Variants in SNX8 observed in about 807,000 individuals in gnomAD.
SNX8 encodes the protein sorting nexin-8.
A neutral mutation model predicts 51.6 loss-of-function variants in SNX8; 25 were observed. The ratio of observed to expected loss-of-function variants is 0.48; its 90% CI spans 0.35 to 0.68. The LOEUF is 0.68. Ranked by LOEUF, SNX8 falls within the 30% of genes least tolerant of loss-of-function variation. SNX8 has a pLI of 0.00. For missense variants in SNX8, 695 were observed against 624.0 expected (o/e 1.11, Z -1.21); for synonymous variants, 324 against 277.0 (o/e 1.17, Z -1.68).
intron 1 of SNX8, among the ~76,000 whole-genome samples, chr7:2,292,714 G>A (rs1394450088): frequency 7.2e-5 from 11 of 151,974 alleles, no homozygotes; most frequent in Admixed American, 7.2e-4. Context: ...CCCGGCCCAG[G>A]CAAAGACTTC....
At chr7:2,264,201 G>C in intron 6 of SNX8, 97 bp downstream of exon 6, 1 of 1,225,222 alleles carries the variant, frequency 8.2e-7, no homozygotes, top group African/African-American at 1.5e-5. Context: ...TCAGGATGCT[G>C]GTTATTACGG....
At chr7:2,291,745 C>T (rs1413234455) in intron 1 of SNX8, among the ~76,000 whole-genome samples, 2 of 152,226 alleles carry the variant, frequency 1.3e-5, no homozygotes, top group Non-Finnish European at 2.9e-5. Flanking sequence ...CTTCCCACCC[C>T]GGTTAAGGGT....
chr7:2,332,803 G>C (rs553115597), intron 1 of SNX8, among the ~76,000 whole-genome samples: 3 of 145,128 alleles, frequency 2.1e-5, no homozygotes, highest in Non-Finnish European at 4.5e-5. Flanking sequence ...AGGGAAGGAA[G>C]AAAAGAAAGA....
chr7:2,292,123 C>T (rs753317649), intron 1 of SNX8, among the ~76,000 whole-genome samples: 7 of 151,904 alleles, frequency 4.6e-5, no homozygotes, highest in Middle Eastern at 3.2e-3. Flanking sequence ...ATTAGCCAGG[C>T]GTGGTGGTGC....
chr7:2,332,460 C>A (rs1182941603), intron 1 of SNX8, among the ~76,000 whole-genome samples: 1 of 151,970 alleles, frequency 6.6e-6, no homozygotes, highest in Non-Finnish European at 1.5e-5. Context: ...ATAACCAACA[C>A]AATCTTAGAG....
At chr7:2,323,311 CAG>C (rs1005381909) in intron 1 of SNX8, among the ~76,000 whole-genome samples, 3 of 115,338 alleles carry the variant, frequency 2.6e-5, no homozygotes, top group Non-Finnish European at 4.9e-5. Flanking sequence ...GCCAGGGCGA[CAG>C]AGTGAGAGTC....
chr7:2,321,203 T>G (rs1275181223), intron 1 of SNX8, among the ~76,000 whole-genome samples: 1 of 151,928 alleles, frequency 6.6e-6, no homozygotes, highest in East Asian at 1.9e-4. Flanking sequence ...GGTGGGAACG[T>G]GAGGGCTGTG....
chr7:2,308,665 C>CAAAAAA (rs756364188), intron 1 of SNX8, among the ~76,000 whole-genome samples: 3 of 63,110 alleles, frequency 4.8e-5, no homozygotes, highest in African/African-American at 1.3e-4. Context: ...GACTCTGTCT[C>CAAAAAA]AAAAAAAAAA....
At chr7:2,338,930 G>A (rs996394218) in intron 1 of SNX8, among the ~76,000 whole-genome samples, 5 of 151,962 alleles carry the variant, frequency 3.3e-5, no homozygotes, top group African/African-American at 9.7e-5. Context: ...TTATTTTTCC[G>A]AGACAAGATC....
intron 1 of SNX8, among the ~76,000 whole-genome samples, chr7:2,282,000 G>A (rs904761407): frequency 5.3e-5 from 8 of 152,154 alleles, no homozygotes; most frequent in African/African-American, 1.4e-4. Flanking sequence ...ACCTGGACTT[G>A]GAAGTGTCTT....
intron 5 of SNX8, among the ~76,000 whole-genome samples, chr7:2,264,972 T>C (rs554321747): frequency 4.6e-4 from 70 of 152,006 alleles, no homozygotes; most frequent in Non-Finnish European, 8.4e-4. Context: ...GAGGCAGAGG[T>C]TGCAGTGAGC....
chr7:2,254,827 CCT>C lies in SNX8; in HGVS notation c.*227_*228del. ...GAAACCATTCCAGAGAACCCCACCA[CCT>C]CTCTCGACCAGGCTAGCAGGCCACA... On this transcript the variant is annotated 3_prime_UTR_variant, in exon 11 of 11. Coordinates refer to ENST00000222990, the MANE Select transcript of SNX8 (RefSeq NM_013321.4). 1.7e-6 allele frequency: 1 copy of C among 578,086 alleles called. No individual in the cohort carries two copies. Among genetic ancestry groups the C allele is most frequent in the South Asian group, 2.0e-5 (1 of 49,494 alleles). 35.8% of individuals were successfully genotyped at this position (578,086 alleles called of 1,614,324 possible).
rs144684578 is a variant in SNX8, at chr7:2,306,300, G to C, written c.94+8028C>G. Among the ~76,000 whole-genome samples the C allele has an allele frequency of 9.1e-3, 1,379 of 151,778 alleles. 12 individuals are homozygous for C. The highest frequency in any genetic ancestry group is 0.031 in the African/African-American group (1,302 of 41,368). ...ATGCCACCAAGCCTGGCTAATTTTTGTATTTTTTTTTAGTAGAGACGGGGT... is the reference window on the plus strand; with the variant it reads ...ATGCCACCAAGCCTGGCTAATTTTTCTATTTTTTTTTAGTAGAGACGGGGT... On this transcript the variant is annotated intron_variant, in intron 1 of 10. Coordinates refer to ENST00000222990, the MANE Select transcript of SNX8 (RefSeq NM_013321.4).
chr7:2,312,353 T>C (rs1012488422), intron 1 of SNX8, among the ~76,000 whole-genome samples: 1 of 152,108 alleles, frequency 6.6e-6, no homozygotes, highest in Non-Finnish European at 1.5e-5. Context: ...CAATGCCAAA[T>C]TGCTTTACAA....
chr7:2,345,513 T>C (rs927958088), intron 1 of SNX8, among the ~76,000 whole-genome samples: 40 of 151,902 alleles, frequency 2.6e-4, no homozygotes, highest in African/African-American at 9.2e-4. Context: ...ACCCCATCTC[T>C]ACTAAAAATA....
chr7:2,268,056 G>T (rs1308127635), intron 5 of SNX8, among the ~76,000 whole-genome samples: 66 of 143,598 alleles, frequency 4.6e-4, no homozygotes, highest in African/African-American at 1.6e-3. Context: ...CCCCGTCCGG[G>T]AGGGAGATGG....
chr7:2,348,722 G>A (rs532784689), intron 1 of SNX8, among the ~76,000 whole-genome samples: 9 of 151,556 alleles, frequency 5.9e-5, no homozygotes, highest in Non-Finnish European at 3.0e-5. Flanking sequence ...AGAGGCGGGC[G>A]GATCACCTGA....
chr7:2,321,641 C>A lies in SNX8; in HGVS notation c.-66+32581G>T, dbSNP rs147758841. The stretch of plus-strand genomic sequence containing the variant: ...CAAGGTTTCACTGTGGTCTCGATCT[C>A]CTTACCTTGTGATCCGCCCTCCTCG... On this transcript the variant is annotated intron_variant, in intron 1 of 5. Transcript: ENST00000435336. 9.5e-3 allele frequency among the ~76,000 whole-genome samples: 1,434 copies of A among 150,452 alleles called. 19 individuals are homozygous for A. The highest frequency in any genetic ancestry group is 0.043 in the South Asian group (206 of 4,772).
At chr7:2,297,102 TAC>T (rs1420271655) in intron 1 of SNX8, among the ~76,000 whole-genome samples, 3 of 152,014 alleles carry the variant, frequency 2.0e-5, no homozygotes, top group African/African-American at 7.3e-5. Context: ...GTAGATGTGG[TAC>T]AGAGGGAATG....
Sources: allele counts gnomAD v4.1 joint callset (sites outside exome capture counted in the v4.1 genomes callset), GRCh38; gene constraint gnomAD v4.1.1; transcripts MANE v1.5; gene names NCBI Gene and HGNC (gene_info 2026-07-23, HGNC 2026-07-21).